Variants in THG1L observed in about 807,000 individuals in gnomAD.
THG1L encodes probable tRNA(His) guanylyltransferase.
In THG1L, 27 loss-of-function variants were observed where a neutral mutation model predicts 35.2. The ratio of observed to expected loss-of-function variants is 0.77; its 90% CI spans 0.57 to 1.06. THG1L has a LOEUF of 1.06. THG1L is among the 50% of genes least tolerant of loss of function. The pLI is 0.00. For synonymous variants in THG1L, 135 were observed against 132.4 expected (o/e 1.02, Z -0.14); for missense variants, 377 against 371.8 (o/e 1.01, Z -0.12).
At position 157,739,544 on chromosome 5, in the gene THG1L, CT is replaced by C; in HGVS notation, c.*64del. The C allele has an allele frequency of 6.5e-7, 1 of 1,543,904 alleles. No homozygotes were observed. The highest frequency in any genetic ancestry group is 2.0e-5 in the Admixed American group (1 of 50,680). On this transcript the variant is annotated 3_prime_UTR_variant, in exon 6 of 6. Transcript: ENST00000231198. ...CAAGCCCTCCCACCTCCCAGGGCTC[CT>C]TGCCTTAGGTGGCTGTAGCATCCCT...
At chr5:157,735,516 G>A (rs1469819457) in intron 3 of THG1L, among the ~76,000 whole-genome samples, 2 of 152,198 alleles carry the variant, frequency 1.3e-5, no homozygotes, top group African/African-American at 2.4e-5. Context: ...GCTTGTTCTA[G>A]TTTGAATTTT....
Position 157,731,594 on chromosome 5 carries a change from TGGGTGGTAGTGCGGCTGGAC to T in THG1L, c.157_176del (p.Val53ProfsTer8). On this transcript the variant is annotated frameshift_variant, in exon 1 of 6. Coordinates refer to ENST00000231198, the MANE Select transcript of THG1L (RefSeq NM_017872.5). LOFTEE classifies it high-confidence loss of function. ...TGACGACACCTGCCTGGCACACTGC[TGGGTGGTAGTGCGGCTGGAC>T]GGCCGGAATTTCCATCGGTGAGCGA... 6.2e-7 allele frequency: 1 copy of T among 1,605,024 alleles called. No homozygotes were observed.
rs1473648955 is a variant in THG1L, at chr5:157,740,962, T to C, written c.*1480T>C. On this transcript the variant is annotated 3_prime_UTR_variant, in exon 6 of 6. Transcript: ENST00000231198. ...GGCTCACACCTGTAATCCCAGCACT[T>C]TGGGGGGCTGAGGCAGGTAGATCAC... 6.6e-6 allele frequency: 1 copy of C among 150,976 alleles called. No homozygotes were observed. The highest frequency in any genetic ancestry group is 1.5e-5 in the Non-Finnish European group (1 of 68,080). The allele number at this position is 150,976 out of a possible 1,614,324, so 9.4% of individuals were successfully genotyped here. A position where few individuals can be genotyped will look rare whatever the true frequency, so the allele number is the denominator to read the frequency against.
rs377227705 is a variant in THG1L, at chr5:157,731,637, C to A, written c.191+6C>A. ...GACGGCCGGAATTTCCATCGGTGAG[C>A]GAGCTCGACTCGGGGCGTCGCGATG... On this transcript the variant is annotated splice_donor_region_variant and intron_variant, in intron 1 of 5. Coordinates refer to ENST00000231198, the MANE Select transcript of THG1L (RefSeq NM_017872.5). The A allele has an allele frequency of 1.3e-6, 2 of 1,588,142 alleles. No individual in the cohort carries two copies. The highest frequency in any genetic ancestry group is 1.7e-6 in the Non-Finnish European group (2 of 1,164,604).
chr5:157,731,696 T>C, intron 1 of THG1L, 65 bp downstream of exon 1: 5 of 1,527,360 alleles, frequency 3.3e-6, no homozygotes, highest in South Asian at 2.6e-5. Context: ...GCTTCTTCCC[T>C]TGCAAGTCCT....
chr5:157,731,580 G>A lies in THG1L; in HGVS notation c.140G>A (p.Cys47Tyr). 6.2e-7 allele frequency: 1 copy of A among 1,611,302 alleles called. No homozygotes were observed. ...AGGGACTTCGAGGCTGACGACACCT[G>A]CCTGGCACACTGCTGGGTGGTAGTG... ...YVRDFEADDTCLAHCWVVVRL... is the reference protein window; with the variant it reads ...YVRDFEADDTYLAHCWVVVRL... Residue 47 changes from cysteine to tyrosine, a missense_variant, in exon 1 of 6, where the codon TGC (cysteine) becomes TAC (tyrosine). By Grantham distance (194) the Cys-to-Tyr change is radical. Coordinates refer to ENST00000231198, the MANE Select transcript of THG1L (RefSeq NM_017872.5).
intron 4 of THG1L, 64 bp from the exon 5 acceptor site, chr5:157,737,823 G>T (rs1045562631): frequency 2.6e-5 from 34 of 1,306,132 alleles, no homozygotes; most frequent in Non-Finnish European, 3.2e-5. Context: ...GGGTCGAATG[G>T]ATAGTAGCAC....
At position 157,732,927 on chromosome 5, in the gene THG1L, C is replaced by T. The variant is rs1440393711; in HGVS notation, c.251C>T (p.Thr84Ile). The change falls in exon 2 of 6, where the codon ACC becomes ATC. Residue 84 changes from threonine (T) to isoleucine (I), a missense_variant. By Grantham distance (89) the Thr-to-Ile change is moderately conservative. Transcript: ENST00000231198. ...PNDSRALQLM[T>I]KCAQTVMEEL... The stretch of plus-strand genomic sequence containing the variant: ...GACAGCCGTGCTCTCCAGCTGATGA[C>T]CAAATGTGCGCAGACTGTGATGGAA... The T allele has an allele frequency of 6.2e-7, 1 of 1,614,178 alleles. No individual in the cohort carries two copies. The highest frequency in any genetic ancestry group is 8.5e-7 in the Non-Finnish European group (1 of 1,180,036).
chr5:157,732,215 CAA>C (rs34744387), intron 1 of THG1L, among the ~76,000 whole-genome samples: 228 of 53,826 alleles, frequency 4.2e-3, no homozygotes, highest in Middle Eastern at 0.011. Flanking sequence ...TCCGCCACTA[CAA>C]AAAAAAAAAA....
rs1427410836 is a variant in THG1L, at chr5:157,739,227, A to G, written c.736-94A>G. 1.2e-5 allele frequency: 15 copies of G among 1,217,794 alleles called. No individual in the cohort carries two copies. The East Asian group carries it at 3.3e-4, about 27-fold the overall frequency. 75.4% of individuals were successfully genotyped at this position (1,217,794 alleles called of 1,614,324 possible). ...TCTCAAATCTGGCAGTCGGAAGTATATGAAGATAAAAAGTGAGCTATCCCC... is the reference window on the plus strand; with the variant it reads ...TCTCAAATCTGGCAGTCGGAAGTATGTGAAGATAAAAAGTGAGCTATCCCC... On this transcript the variant is annotated intron_variant, in intron 5 of 5. Transcript: ENST00000231198.
chr5:157,732,210 C>T (rs1481136363), intron 1 of THG1L, among the ~76,000 whole-genome samples: 1 of 36,580 alleles, frequency 2.7e-5, no homozygotes, highest in African/African-American at 1.1e-4. Context: ...GAAACTCCGC[C>T]ACTACAAAAA....
At chr5:157,735,804 G>A (rs758461118) in intron 3 of THG1L, 42 bp from the exon 4 acceptor site, 1 of 1,338,160 alleles carries the variant, frequency 7.5e-7, no homozygotes, top group African/African-American at 1.5e-5. Context: ...ATTCAATAAA[G>A]ATTTTATGTA....
chr5:157,733,505 T>C (rs1437279384), intron 2 of THG1L, among the ~76,000 whole-genome samples: 1 of 152,176 alleles, frequency 6.6e-6, no homozygotes, highest in African/African-American at 2.4e-5. Context: ...CTTTCTTTCT[T>C]TTTTTAATAG....
Position 157,731,462 on chromosome 5 carries a change from A to T in THG1L, c.22A>T (p.Lys8Ter), listed in dbSNP as rs1760712102. Reference protein sequence around the residue: MWGACKVKVHDSLATISI... With the variant: MWGACKV ...TAGAATGTGGGGCGCCTGTAAAGTT[A>T]AGGTTCACGATTCCTTGGCCACCAT... is the stretch of plus-strand genomic sequence containing the variant. Residue 8 changes from lysine to a stop codon, truncating the protein, a stop_gained, in exon 1 of 6, where the codon AAG (lysine) becomes TAG (stop). Coordinates refer to ENST00000231198, the MANE Select transcript of THG1L (RefSeq NM_017872.5). LOFTEE classifies it high-confidence loss of function. 1 of 1,604,770 alleles carries T rather than the reference A, an allele frequency of 6.2e-7. No homozygotes were observed. Among genetic ancestry groups the T allele is most frequent in the Non-Finnish European group, 8.5e-7 (1 of 1,175,104 alleles).
chr5:157,737,320 C>T (rs1216980531), intron 4 of THG1L, among the ~76,000 whole-genome samples: 2 of 152,064 alleles, frequency 1.3e-5, no homozygotes, highest in East Asian at 1.9e-4. Flanking sequence ...GGTGAGACCG[C>T]TTCTCTACAA....
chr5:157,731,842 G>T (rs1270219597), intron 1 of THG1L, among the ~76,000 whole-genome samples: 1 of 152,248 alleles, frequency 6.6e-6, no homozygotes, highest in African/African-American at 2.4e-5. Flanking sequence ...TGGGCGATGT[G>T]CTCCCGTGAT....
intron 3 of THG1L, 72 bp downstream of exon 3, chr5:157,734,817 G>C: frequency 6.4e-7 from 1 of 1,563,182 alleles, no homozygotes; most frequent in Non-Finnish European, 8.8e-7. Context: ...ATCTGATACA[G>C]GATTGGCTCA....
In THG1L at chr5:157,736,557, C is replaced by T. The variant is rs977996857; in HGVS notation, c.627+623C>T. 2.0e-5 allele frequency among the ~76,000 whole-genome samples: 3 copies of T among 152,202 alleles called. No individual in the cohort carries two copies. In the South Asian group the frequency reaches 6.2e-4, roughly 32 times the overall value. On this transcript the variant is annotated intron_variant, in intron 4 of 5. Transcript: ENST00000231198. ...GAGCCAGTGAGCCACCACACCTGGC[C>T]AGCACTGAATTTTTGTCAGTCCCAC...
At chr5:157,732,791 CTCTGTTA>C in intron 1 of THG1L, 70 bp from the exon 2 acceptor site, 1 of 1,553,556 alleles carries the variant, frequency 6.4e-7, no homozygotes, top group Non-Finnish European at 8.8e-7. Context: ...TCCAAACAGC[CTCTGTTA>C]TCTAGCAACA....
Sources: gnomAD v4.1 joint callset for allele counts (sites outside exome capture counted in the v4.1 genomes callset) on GRCh38, gnomAD v4.1.1 for gene constraint, MANE v1.5 for transcripts, NCBI Gene and HGNC (gene_info 2026-07-23, HGNC 2026-07-21) for gene names.